The following PSMD9 variants were observed in gnomAD, a reference collection of about 807,000 sequenced individuals.
PSMD9 encodes the protein proteasome 26S subunit, non-ATPase 9.
PSMD9 carries 26 observed loss-of-function variants against 25.9 expected under a neutral mutation model. The observed-to-expected ratio is 1.00, with a 90% CI of 0.73 to 1.39. The LOEUF is 1.39. Among genes scored for constraint, PSMD9 ranks in the 40% most tolerant of loss-of-function variants. PSMD9 has a pLI of 0.00. For synonymous variants in PSMD9, 110 were observed against 114.5 expected, an observed-to-expected ratio of 0.96 and a Z score of 0.25; for missense variants, 303 against 299.3, an observed-to-expected ratio of 1.01 and a Z score of -0.09.
chr12:121,894,738 G>A lies in PSMD9; in HGVS notation c.139-1G>A, dbSNP rs755485218. 2 of 1,613,852 alleles carry A rather than the reference G, an allele frequency of 1.2e-6. No homozygotes were observed. The highest frequency in any genetic ancestry group is 1.7e-6 in the Non-Finnish European group (2 of 1,179,900). Reference sequence around the variant, plus strand: ...CTTTTAACCACGTTTCTTTCCTCCAGCAAAAAGGCATTGGGATGAACGAGC... The same window carrying A: ...CTTTTAACCACGTTTCTTTCCTCCAACAAAAAGGCATTGGGATGAACGAGC... On this transcript the variant is annotated splice_acceptor_variant, in intron 1 of 5. Coordinates refer to ENST00000541212, the MANE Select transcript of PSMD9 (RefSeq NM_002813.7). LOFTEE classifies it high-confidence loss of function.
At position 121,899,622 on chromosome 12, in the gene PSMD9, T is replaced by C. The variant is rs1879330009; in HGVS notation, c.242-12T>C. ...GTCTTCCTTGGCCCCTGATGTGTGGTTCTCATCCCAGGCCTGCAGAATGAT... is the reference window on the plus strand; with the variant it reads ...GTCTTCCTTGGCCCCTGATGTGTGGCTCTCATCCCAGGCCTGCAGAATGAT... On this transcript the variant is annotated splice_polypyrimidine_tract_variant and intron_variant, in intron 2 of 5. Coordinates refer to ENST00000541212, the MANE Select transcript of PSMD9 (RefSeq NM_002813.7). The C allele has an allele frequency of 6.3e-7, 1 of 1,586,882 alleles. No individual in the cohort carries two copies. Among genetic ancestry groups the C allele is most frequent in the African/African-American group, 1.3e-5 (1 of 74,392 alleles).
intron 1 of PSMD9, among the ~76,000 whole-genome samples, chr12:121,891,901 C>CA (rs33982940): frequency 3.5e-3 from 262 of 74,090 alleles, no homozygotes; most frequent in East Asian, 4.8e-3. Flanking sequence ...GATTCCATCT[C>CA]AAAAAAAAAA....
In PSMD9 at chr12:121,916,663, T is replaced by G. The variant is rs149241828; in HGVS notation, c.*352T>G. 4.2e-3 allele frequency: 969 copies of G among 231,732 alleles called. 9 individuals are homozygous for G. Among genetic ancestry groups the G allele is most frequent in the African/African-American group, 0.019 (868 of 44,956 alleles). 14.4% of individuals were successfully genotyped at this position (231,732 alleles called of 1,614,324 possible). A position where few individuals can be genotyped will look rare whatever the true frequency, so the allele number is the denominator to read the frequency against. On this transcript the variant is annotated 3_prime_UTR_variant, in exon 6 of 6. Transcript: ENST00000541212. ...GATATGACCCTGTTGTCACCCCAGC[T>G]GAATTTCTTATGACCCTCCCAAACC...
intron 4 of PSMD9, among the ~76,000 whole-genome samples, chr12:121,912,933 T>TA (rs1231350711): frequency 6.7e-6 from 1 of 149,186 alleles, no homozygotes; most frequent in African/African-American, 2.5e-5. Context: ...CATTTTCTTT[T>TA]CTTTTCTTTT....
rs775524416 is a variant in PSMD9 at position 121,894,694 on chromosome 12, A to G, written c.139-45A>G. The stretch of plus-strand genomic sequence containing the variant: ...GGGTCTGGGGAAAGACATCCTGGGG[A>G]CATTACACCCATGAGCACCTTTTAA... On this transcript the variant is annotated intron_variant, in intron 1 of 5. Coordinates refer to ENST00000541212, the MANE Select transcript of PSMD9 (RefSeq NM_002813.7). The G allele has an allele frequency of 1.1e-5, 17 of 1,518,956 alleles. No individual in the cohort carries two copies. The South Asian group carries it at 1.9e-4, about 17-fold the overall frequency. The allele number at this position is 1,518,956 out of a possible 1,614,324, so 94.1% of individuals were successfully genotyped here.
At chr12:121,911,931 G>A (rs1008054274) in intron 4 of PSMD9, among the ~76,000 whole-genome samples, 31 of 152,106 alleles carry the variant, frequency 2.0e-4, no homozygotes, top group Admixed American at 9.8e-4. Context: ...GGGATTGCAG[G>A]CGTGAACCAC....
chr12:121,900,985 T>TAAA (rs749082407), intron 3 of PSMD9, among the ~76,000 whole-genome samples: 4 of 89,466 alleles, frequency 4.5e-5, no homozygotes, highest in Non-Finnish European at 6.7e-5. Flanking sequence ...AGACTCTGTC[T>TAAA]AAAAAAAAAA....
Position 121,899,704 on chromosome 12 carries a change from C to A in PSMD9, c.312C>A (p.Asp104Glu), listed in dbSNP as rs1879332642. The stretch of plus-strand genomic sequence containing the variant: ...CCCTGCACCAGCTGCACGCTCGCGA[C>A]AAGGAGAAGCAGGCCCGGGACATGG... Reference protein sequence around the residue: ...EEALHQLHARDKEKQARDMAE... With the variant: ...EEALHQLHAREKEKQARDMAE... Residue 104 changes from aspartate (D) to glutamate (E), a missense_variant, in exon 3 of 6, where the codon GAC (aspartate) becomes GAA (glutamate). Physicochemically the swap from Asp to Glu is conservative, Grantham distance 45 (BLOSUM62 2). Coordinates refer to ENST00000541212, the MANE Select transcript of PSMD9 (RefSeq NM_002813.7). The A allele has an allele frequency of 1.3e-5, 21 of 1,614,100 alleles. No homozygotes were observed. Among genetic ancestry groups the A allele is most frequent in the Non-Finnish European group, 1.8e-5 (21 of 1,180,020 alleles).
chr12:121,906,496 C>A (rs1195435264), intron 4 of PSMD9, among the ~76,000 whole-genome samples: 1 of 151,418 alleles, frequency 6.6e-6, no homozygotes, highest in Non-Finnish European at 1.5e-5. Flanking sequence ...ATGGTGAAAC[C>A]CCATCTCTAC....
intron 4 of PSMD9, among the ~76,000 whole-genome samples, chr12:121,904,725 T>C (rs572949123): frequency 6.7e-6 from 1 of 149,028 alleles, no homozygotes; most frequent in South Asian, 2.1e-4. Flanking sequence ...TGGTGCGATC[T>C]TGGCTCACTG....
intron 4 of PSMD9, among the ~76,000 whole-genome samples, chr12:121,913,968 C>T (rs911225986): frequency 6.6e-6 from 1 of 151,844 alleles, no homozygotes. Flanking sequence ...GGTGCAGTCA[C>T]AGCTCACTGC....
intron 1 of PSMD9, among the ~76,000 whole-genome samples, chr12:121,891,288 G>GC (rs930122498): frequency 4.7e-5 from 6 of 127,814 alleles, no homozygotes; most frequent in Admixed American, 8.5e-5. Flanking sequence ...AGAGTGAGAT[G>GC]CTGTCTCTTT....
chr12:121,896,793 GC>G (rs1220484483), intron 2 of PSMD9, among the ~76,000 whole-genome samples: 3 of 145,332 alleles, frequency 2.1e-5, no homozygotes, highest in Non-Finnish European at 4.4e-5. Context: ...CCGAGATTGT[GC>G]CATTGCACTC....
At chr12:121,890,618 C>T (rs1879042597) in intron 1 of PSMD9, among the ~76,000 whole-genome samples, 1 of 151,992 alleles carries the variant, frequency 6.6e-6, no homozygotes, top group African/African-American at 2.4e-5. Flanking sequence ...CAGGTACGTG[C>T]CACCACGCCC....
intron 2 of PSMD9, chr12:121,898,597 G>A (rs1442877756): frequency 6.6e-6 from 1 of 151,746 alleles, no homozygotes; most frequent in Admixed American, 6.6e-5. Context: ...CTGGAGGGCA[G>A]TGGTGCGATC....
chr12:121,915,848 C>A lies in PSMD9; in HGVS notation c.556-8C>A. The A allele has an allele frequency of 6.2e-7, 1 of 1,609,920 alleles. No homozygotes were observed. The highest frequency in any genetic ancestry group is 8.5e-7 in the Non-Finnish European group (1 of 1,177,644). ...GCTGAACACGAAATGAGCTTATTTT[C>A]TTTTCAGAAGCCCCTGAATGTGACA... On this transcript the variant is annotated splice_region_variant and splice_polypyrimidine_tract_variant and intron_variant, in intron 4 of 5. Coordinates refer to ENST00000541212, the MANE Select transcript of PSMD9 (RefSeq NM_002813.7).
chr12:121,916,611 A>G lies in PSMD9; in HGVS notation c.*300A>G, dbSNP rs1679155772. 2.6e-6 allele frequency: 1 copy of G among 380,976 alleles called. No homozygotes were observed. The allele number at this position is 380,976 out of a possible 1,614,324, so 23.6% of individuals were successfully genotyped here. On this transcript the variant is annotated 3_prime_UTR_variant, in exon 6 of 6. Coordinates refer to ENST00000541212, the MANE Select transcript of PSMD9 (RefSeq NM_002813.7). ...AGGTACTGGTGTGATTATTATTATT[A>G]TTTTTAATAAAGAGTTTTACAGTGC...
rs1193922663 is a variant in PSMD9, at chr12:121,917,338, C to G, written c.*1027C>G. 3.9e-5 allele frequency: 6 copies of G among 152,266 alleles called. No individual in the cohort carries two copies. The highest frequency in any genetic ancestry group is 3.8e-4 in the East Asian group (2 of 5,200). 9.4% of individuals were successfully genotyped at this position (152,266 alleles called of 1,614,324 possible). A position where few individuals can be genotyped will look rare whatever the true frequency, so the allele number is the denominator to read the frequency against. ...GAACCTCCTGGCTATGCCCTGAGAT[C>G]AGCGCTATTTTGTAAACCGCTGAGG... On this transcript the variant is annotated 3_prime_UTR_variant, in exon 6 of 6. Transcript: ENST00000541212.
At chr12:121,893,321 TA>T (rs949916354) in intron 1 of PSMD9, among the ~76,000 whole-genome samples, 9 of 152,202 alleles carry the variant, frequency 5.9e-5, no homozygotes, top group African/African-American at 2.2e-4. Context: ...GGTTTGGGTG[TA>T]ACCCGGAGGC....
Sources: gnomAD v4.1 joint callset for allele counts (sites outside exome capture counted in the v4.1 genomes callset) on GRCh38, gnomAD v4.1.1 for gene constraint, MANE v1.5 for transcripts, NCBI Gene and HGNC (gene_info 2026-07-23, HGNC 2026-07-21) for gene names.